ENAH: variants seen among roughly 807,000 people sequenced by gnomAD.
The protein encoded by ENAH is ENAH actin regulator.
A neutral mutation model predicts 78.7 loss-of-function variants in ENAH; 23 were observed. The ratio of observed to expected loss-of-function variants is 0.29; its 90% CI spans 0.21 to 0.41. The LOEUF is 0.41. Among genes scored for constraint, ENAH ranks in the 10% least tolerant of loss-of-function variants. The pLI, the probability that ENAH is intolerant of heterozygous loss-of-function variation, is 1.00. For missense variants in ENAH, 544 were observed against 691.0 expected, an observed-to-expected ratio of 0.79 and a Z score of 2.39; for synonymous variants, 226 against 241.0, an observed-to-expected ratio of 0.94 and a Z score of 0.58.
chr1:225,622,517 G>C (rs1657173679), intron 1 of ENAH, among the ~76,000 whole-genome samples: 1 of 152,160 alleles, frequency 6.6e-6, no homozygotes, highest in Non-Finnish European at 1.5e-5. Context: ...AAATACCTTA[G>C]ACTGAGTAAT....
chr1:225,629,682 C>T (rs557939283), intron 1 of ENAH, among the ~76,000 whole-genome samples: 1 of 152,010 alleles, frequency 6.6e-6, no homozygotes, highest in Non-Finnish European at 1.5e-5. Flanking sequence ...TATTACATGG[C>T]AGAAAAAAAG....
intron 1 of ENAH, among the ~76,000 whole-genome samples, chr1:225,583,163 G>A (rs763471808): frequency 3.3e-5 from 5 of 152,244 alleles, no homozygotes; most frequent in African/African-American, 4.8e-5. Flanking sequence ...GAGGCCAGGC[G>A]AGGTGGCTCA....
chr1:225,637,490 A>T (rs1230331953), intron 1 of ENAH, among the ~76,000 whole-genome samples: 2 of 152,160 alleles, frequency 1.3e-5, no homozygotes, highest in Non-Finnish European at 2.9e-5. Flanking sequence ...TACAGGCGTG[A>T]GCCACCGTGC....
At chr1:225,616,110 T>G (rs577151511) in intron 1 of ENAH, among the ~76,000 whole-genome samples, 1 of 152,316 alleles carries the variant, frequency 6.6e-6, no homozygotes, top group South Asian at 2.1e-4. Flanking sequence ...TGTGCTTTGT[T>G]AAACAGATGC....
At position 225,488,681 on chromosome 1, in the gene ENAH, CATGTCCT is replaced by C. The variant is rs1329451886; in HGVS notation, c.*9087_*9093del. On this transcript the variant is annotated 3_prime_UTR_variant, in exon 14 of 14. Coordinates refer to ENST00000366843, the MANE Select transcript of ENAH (RefSeq NM_018212.6). The stretch of plus-strand genomic sequence containing the variant: ...AAAAAGAAAAGCACCTAACGAAAAG[CATGTCCT>C]ATTCATGCTAGCAAGAAATGAATCC... 6.6e-6 allele frequency: 1 copy of C among 152,222 alleles called. No homozygotes were observed. 9.4% of individuals were successfully genotyped at this position (152,222 alleles called of 1,614,324 possible). A position where few individuals can be genotyped will look rare whatever the true frequency, so the allele number is the denominator to read the frequency against.
At chr1:225,629,492 T>A (rs1459040011) in intron 1 of ENAH, among the ~76,000 whole-genome samples, 1 of 142,320 alleles carries the variant, frequency 7.0e-6, no homozygotes, top group Admixed American at 7.0e-5. Flanking sequence ...GAGGCTGAGG[T>A]AGGAGAATTG....
chr1:225,523,995 T>A (rs1402526021), intron 4 of ENAH, among the ~76,000 whole-genome samples: 1 of 152,234 alleles, frequency 6.6e-6, no homozygotes, highest in East Asian at 1.9e-4. Flanking sequence ...TTAATTTTTC[T>A]TTTAAGCTAG....
chr1:225,506,499 A>G (rs976317627), intron 11 of ENAH, among the ~76,000 whole-genome samples: 1 of 152,092 alleles, frequency 6.6e-6, no homozygotes, highest in Admixed American at 6.6e-5. Context: ...GCTCCTTGTT[A>G]TGGGCTTAAT....
At chr1:225,627,834 A>G (rs1658233557) in intron 1 of ENAH, among the ~76,000 whole-genome samples, 1 of 152,156 alleles carries the variant, frequency 6.6e-6, no homozygotes, top group African/African-American at 2.4e-5. Context: ...TGGAGTGGAG[A>G]AGAGAGCCAA....
intron 1 of ENAH, among the ~76,000 whole-genome samples, chr1:225,604,908 T>C (rs995534827): frequency 6.6e-6 from 1 of 152,140 alleles, no homozygotes; most frequent in Non-Finnish European, 1.5e-5. Context: ...AAACAAGATA[T>C]CCTTTTAGAC....
At chr1:225,565,002 A>C (rs1012580158) in intron 2 of ENAH, among the ~76,000 whole-genome samples, 2 of 152,008 alleles carry the variant, frequency 1.3e-5, no homozygotes, top group Admixed American at 1.3e-4. Context: ...ATTTCCTCTT[A>C]ATGTCACAAT....
In ENAH at chr1:225,491,571, T is replaced by C. The variant is rs2096222541; in HGVS notation, c.*6204A>G. ...TTAGGCGCTTAAGAGACCAAATTTT[T>C]AAAAGCGTTCTGTAATGTATCTCTC... is the stretch of plus-strand genomic sequence containing the variant. On this transcript the variant is annotated 3_prime_UTR_variant, in exon 14 of 14. Coordinates refer to ENST00000366843, the MANE Select transcript of ENAH (RefSeq NM_018212.6). 6.6e-6 allele frequency: 1 copy of C among 152,240 alleles called. No individual in the cohort carries two copies. Among genetic ancestry groups the C allele is most frequent in the Admixed American group, 6.5e-5 (1 of 15,288 alleles). The allele number at this position is 152,240 out of a possible 1,614,324, so 9.4% of individuals were successfully genotyped here.
At chr1:225,641,658 G>A (rs149539231) in intron 1 of ENAH, among the ~76,000 whole-genome samples, 2,100 of 151,460 alleles carry the variant, frequency 0.014, 60 homozygotes, top group African/African-American at 0.047. Context: ...AGGCTGAGGC[G>A]GGCAGATCAC....
At chr1:225,542,712 T>C (rs2096595478) in intron 3 of ENAH, among the ~76,000 whole-genome samples, 1 of 152,214 alleles carries the variant, frequency 6.6e-6, no homozygotes, top group Non-Finnish European at 1.5e-5. Context: ...TTGTCTCACA[T>C]GGGATTTACT....
intron 3 of ENAH, among the ~76,000 whole-genome samples, chr1:225,551,827 A>G (rs964041990): frequency 6.6e-5 from 10 of 152,220 alleles, no homozygotes; most frequent in South Asian, 6.2e-4. Context: ...TGCTTTATCA[A>G]TAAGTTTGTT....
intron 1 of ENAH, among the ~76,000 whole-genome samples, chr1:225,599,796 TAAAAAAAAA>T (rs34052384): frequency 3.6e-5 from 3 of 82,974 alleles, no homozygotes; most frequent in African/African-American, 1.6e-4. Flanking sequence ...GACTCCGTCT[TAAAAAAAAA>T]AAAAAAAAAA....
At chr1:225,547,043 C>T (rs1257949950) in intron 3 of ENAH, among the ~76,000 whole-genome samples, 4 of 151,798 alleles carry the variant, frequency 2.6e-5, no homozygotes, top group African/African-American at 7.3e-5. Context: ...TTCCCGGAGA[C>T]ATCTATTATT....
chr1:225,613,329 A>C (rs2097002497), intron 1 of ENAH, among the ~76,000 whole-genome samples: 1 of 152,128 alleles, frequency 6.6e-6, no homozygotes. Context: ...AGAATAACAG[A>C]CTTATTGGTA....
intron 1 of ENAH, among the ~76,000 whole-genome samples, chr1:225,615,062 C>T (rs997473871): frequency 2.0e-5 from 3 of 151,638 alleles, no homozygotes; most frequent in African/African-American, 4.9e-5. Context: ...CTCCCTCTCC[C>T]TCTCTCTCCA....
Sources: allele counts gnomAD v4.1 joint callset (sites outside exome capture counted in the v4.1 genomes callset), GRCh38; gene constraint gnomAD v4.1.1; transcripts MANE v1.5; gene names NCBI Gene and HGNC (gene_info 2026-07-23, HGNC 2026-07-21).